CCSER2: variants seen among roughly 807,000 people sequenced by gnomAD.
CCSER2 encodes the protein serine-rich coiled-coil domain-containing protein 2.
In CCSER2, 46 loss-of-function variants were observed where a neutral mutation model predicts 92.3. That is an observed-to-expected ratio of 0.50 (90% confidence interval 0.39 to 0.64). The LOEUF (loss-of-function observed/expected upper bound fraction) is 0.64. CCSER2 is among the 30% of genes least tolerant of loss of function. The pLI is 0.00. For missense variants in CCSER2, 1,244 were observed against 1,238.9 expected (o/e 1.00, Z -0.06); for synonymous variants, 433 against 431.4 (o/e 1.00, Z -0.04).
chr10:84,474,499 A>G (rs1251094535), intron 8 of CCSER2, among the ~76,000 whole-genome samples: 1 of 151,986 alleles, frequency 6.6e-6, no homozygotes, highest in Non-Finnish European at 1.5e-5. Flanking sequence ...TGTCTCTACT[A>G]AAAATACAAA....
chr10:84,412,237 G>A (rs1196671333), intron 3 of CCSER2, among the ~76,000 whole-genome samples: 2 of 152,088 alleles, frequency 1.3e-5, no homozygotes, highest in African/African-American at 4.8e-5. Flanking sequence ...AAGGATATTG[G>A]CCTAAAGTTT....
intron 3 of CCSER2, among the ~76,000 whole-genome samples, chr10:84,412,223 C>T (rs2178338): frequency 0.36 from 54,089 of 151,998 alleles, 11,558 homozygotes; most frequent in East Asian, 0.5. Flanking sequence ...CATTTATGTT[C>T]ATCAAGGATA....
At chr10:84,396,808 A>T (rs1589543622) in intron 3 of CCSER2, among the ~76,000 whole-genome samples, 1 of 152,190 alleles carries the variant, frequency 6.6e-6, no homozygotes. Context: ...AAGTGTCGGG[A>T]TTACAGGCGT....
At chr10:84,428,220 GGGTGGGA>G (rs1366446272) in intron 5 of CCSER2, among the ~76,000 whole-genome samples, 1 of 152,196 alleles carries the variant, frequency 6.6e-6, no homozygotes, top group Non-Finnish European at 1.5e-5. Flanking sequence ...CACAGGCCAT[GGGTGGGA>G]GGTTGGGGGA....
chr10:84,464,056 T>C, intron 7 of CCSER2, 40 bp downstream of exon 7: 2 of 984,844 alleles, frequency 2.0e-6, no homozygotes, highest in East Asian at 2.5e-5. Flanking sequence ...CAAAATTCTT[T>C]TTAAATACTA....
Position 84,406,930 on chromosome 10 carries a change from C to G in CCSER2, c.1615-10841C>G, listed in dbSNP as rs564025860. On this transcript the variant is annotated intron_variant, in intron 3 of 9. Coordinates refer to ENST00000372088, the MANE Select transcript of CCSER2 (RefSeq NM_001284240.2). ...TTCTCCTATTACCTGAACCCTTACT[C>G]TAATTCTAATGATATCTGTGATGTC... Among the ~76,000 whole-genome samples, 365 of 152,262 alleles carry G rather than the reference C, an allele frequency of 2.4e-3. 2 individuals are homozygous for G. Among genetic ancestry groups the G allele is most frequent in the South Asian group, 0.018 (88 of 4,826 alleles).
At chr10:84,457,684 TTA>T (rs1243177747) in intron 6 of CCSER2, among the ~76,000 whole-genome samples, 2 of 127,188 alleles carry the variant, frequency 1.6e-5, no homozygotes, top group African/African-American at 5.8e-5. Flanking sequence ...ATTATATAAA[TTA>T]TATATATTTA....
intron 6 of CCSER2, among the ~76,000 whole-genome samples, chr10:84,440,803 G>C (rs1241366730): frequency 6.6e-6 from 1 of 152,144 alleles, no homozygotes; most frequent in Admixed American, 6.5e-5. Flanking sequence ...AATAAGTTTG[G>C]TTGGTATGAA....
chr10:84,425,835 C>A lies in CCSER2; in HGVS notation c.1810C>A (p.His604Asn), dbSNP rs145429708. Residue 604 changes from histidine (H) to asparagine (N), a missense_variant, in exon 5 of 10, where the codon CAT (histidine) becomes AAT (asparagine). Physicochemically the swap from His to Asn is moderately conservative, Grantham distance 68 (BLOSUM62 1). Coordinates refer to ENST00000372088, the MANE Select transcript of CCSER2 (RefSeq NM_001284240.2). Reference protein sequence around the residue: ...RPPQRWSGQEHYHLSHPDHYH... With the variant: ...RPPQRWSGQENYHLSHPDHYH... ...ACCCCAGAGGTGGAGTGGACAGGAG[C>A]ATTACCACCTCAGCCACCCTGACCA... is the stretch of plus-strand genomic sequence containing the variant. 27 of 1,612,906 alleles carry A rather than the reference C, an allele frequency of 1.7e-5. No individual in the cohort carries two copies. Among genetic ancestry groups the A allele is most frequent in the Middle Eastern group, 1.6e-4 (1 of 6,078 alleles).
Position 84,415,367 on chromosome 10 carries a change from T to C in CCSER2, c.1615-2404T>C, listed in dbSNP as rs143916392. On this transcript the variant is annotated intron_variant, in intron 3 of 9. Coordinates refer to ENST00000372088, the MANE Select transcript of CCSER2 (RefSeq NM_001284240.2). ...TTGTTGATGGTTTTATTGCTGTTGT[T>C]TTCTGTTTGTTTTTCTTTTAACAGT... 4.3e-4 allele frequency among the ~76,000 whole-genome samples: 65 copies of C among 152,354 alleles called. No individual in the cohort carries two copies. The East Asian group carries it at 9.6e-3, about 23-fold the overall frequency.
intron 8 of CCSER2, among the ~76,000 whole-genome samples, chr10:84,471,213 C>G (rs1589755477): frequency 6.6e-6 from 1 of 151,802 alleles, no homozygotes; most frequent in African/African-American, 2.4e-5. Context: ...TCACGGAGAT[C>G]CATTTCATGA....
At chr10:84,379,781 T>TGAG (rs1840795783) in intron 3 of CCSER2, among the ~76,000 whole-genome samples, 1 of 152,152 alleles carries the variant, frequency 6.6e-6, no homozygotes, top group Non-Finnish European at 1.5e-5. Flanking sequence ...TTAACTCAAT[T>TGAG]TTATGTTTTT....
chr10:84,413,289 G>T (rs1310997437), intron 3 of CCSER2, among the ~76,000 whole-genome samples: 1 of 151,992 alleles, frequency 6.6e-6, no homozygotes, highest in Non-Finnish European at 1.5e-5. Flanking sequence ...GGCATTTCGT[G>T]CTATAAATTT....
intron 8 of CCSER2, among the ~76,000 whole-genome samples, chr10:84,475,082 C>T (rs1415340273): frequency 6.6e-6 from 1 of 152,160 alleles, no homozygotes; most frequent in Non-Finnish European, 1.5e-5. Flanking sequence ...AGGTTAAGGG[C>T]CTATGATCTC....
In CCSER2 at chr10:84,514,258, GAT is replaced by G; in HGVS notation, c.3137_3138del (p.Ile1046ThrfsTer5). On this transcript the variant is annotated frameshift_variant, in exon 10 of 10. Transcript: ENST00000372088. LOFTEE classifies it high-confidence loss of function. ...NRYSRLPKPK[I>X]H ...GATATTCTCGTCTTCCTAAACCAAA[GAT>G]ACATTAAGTACATAGCCATCACCTG... 1 of 1,534,460 alleles carries G rather than the reference GAT, an allele frequency of 6.5e-7. No homozygotes were observed. The highest frequency in any genetic ancestry group is 8.7e-7 in the Non-Finnish European group (1 of 1,145,500).
intron 3 of CCSER2, among the ~76,000 whole-genome samples, chr10:84,378,477 C>G (rs955611848): frequency 1.3e-5 from 2 of 149,350 alleles, no homozygotes; most frequent in African/African-American, 4.9e-5. Context: ...TCTTCTCACC[C>G]AGGCTGGAGT....
chr10:84,357,327 T>C (rs1845229291), intron 1 of CCSER2, among the ~76,000 whole-genome samples: 1 of 152,260 alleles, frequency 6.6e-6, no homozygotes, highest in African/African-American at 2.4e-5. Context: ...TAATTGGGGC[T>C]GATGACTAAC....
chr10:84,508,054 A>G (rs905934750), intron 9 of CCSER2, among the ~76,000 whole-genome samples: 5 of 152,268 alleles, frequency 3.3e-5, no homozygotes, highest in African/African-American at 7.2e-5. Context: ...ACTCATCAGA[A>G]CTAACCAAAT....
At chr10:84,472,267 G>A (rs1846855262) in intron 8 of CCSER2, among the ~76,000 whole-genome samples, 1 of 152,108 alleles carries the variant, frequency 6.6e-6, no homozygotes, top group South Asian at 2.1e-4. Flanking sequence ...CGATAAGGCT[G>A]AACATAAAAG....
Sources: allele counts gnomAD v4.1 joint callset (sites outside exome capture counted in the v4.1 genomes callset), GRCh38; gene constraint gnomAD v4.1.1; transcripts MANE v1.5; gene names NCBI Gene and HGNC (gene_info 2026-07-23, HGNC 2026-07-21).